The following CHERP variants were observed in gnomAD, a reference collection of about 807,000 sequenced individuals.
The protein encoded by CHERP is calcium homeostasis endoplasmic reticulum protein.
In CHERP, 8 loss-of-function variants were observed where a neutral mutation model predicts 113.8. The observed-to-expected ratio is 0.07, with a 90% CI of 0.04 to 0.13. The LOEUF (loss-of-function observed/expected upper bound fraction) is 0.13. Ranked by LOEUF, CHERP falls within the 10% of genes least tolerant of loss-of-function variation. The pLI is 1.00. For missense variants in CHERP, 884 were observed against 1,298.2 expected (o/e 0.68, Z 4.90); for synonymous variants, 559 against 524.5 (o/e 1.07, Z -0.90).
At position 16,525,449 on chromosome 19, in the gene CHERP, G is replaced by A. The variant is rs952527177; in HGVS notation, c.1534C>T (p.Pro512Ser). The A allele has an allele frequency of 6.5e-6, 10 of 1,541,168 alleles. No individual in the cohort carries two copies. The Admixed American group carries it at 1.4e-4, about 22-fold the overall frequency. ...QPPWGGGQRE[P>S]PFRMQRPPHF... ...GGGGGCCGCTGCATGCGGAAGGGTG[G>A]CTCGCGCTGGCCCCCGCCCCAGGGC... The change falls in exon 10 of 17, where the codon CCA (proline) becomes TCA (serine). Residue 512 changes from proline (P) to serine (S), a missense_variant. Physicochemically the swap from Pro to Ser is moderately conservative, Grantham distance 74. Coordinates refer to ENST00000546361, the MANE Select transcript of CHERP (RefSeq NM_006387.6). The surrounding 1 kb of genome is among the most constrained non-coding windows in gnomAD (Gnocchi z 6.5).
intron 5 of CHERP, among the ~76,000 whole-genome samples, chr19:16,531,180 G>A (rs575322413): frequency 6.6e-6 from 1 of 152,360 alleles, no homozygotes; most frequent in South Asian, 2.1e-4. Flanking sequence ...CTCTTGGGTG[G>A]CGCTGCGGGT....
At chr19:16,526,561 G>A (rs540928413) in intron 9 of CHERP, among the ~76,000 whole-genome samples, 1 of 151,994 alleles carries the variant, frequency 6.6e-6, no homozygotes, top group Non-Finnish European at 1.5e-5. Flanking sequence ...TCCACCTCCC[G>A]GGTTCAGGTG....
intron 9 of CHERP, among the ~76,000 whole-genome samples, chr19:16,527,473 A>G (rs1427882571): frequency 2.0e-5 from 3 of 152,162 alleles, no homozygotes; most frequent in Admixed American, 2.0e-4. Context: ...CCACGCTGCG[A>G]AGCCAACCAG....
intron 2 of CHERP, among the ~76,000 whole-genome samples, chr19:16,540,855 A>T (rs906557652): frequency 2.0e-5 from 3 of 149,562 alleles, no homozygotes; most frequent in African/African-American, 7.4e-5. Context: ...GGGCCACCAC[A>T]CCCGGCTAAT....
At position 16,519,993 on chromosome 19, in the gene CHERP, G is replaced by A; in HGVS notation, c.2462+156C>T. Reference sequence around the variant, plus strand: ...CAGTTACTGCCTCAGGCTTCGCCAAGTGGCTACTGTGGTGAAGGGTGAGGG... The same window carrying A: ...CAGTTACTGCCTCAGGCTTCGCCAAATGGCTACTGTGGTGAAGGGTGAGGG... On this transcript the variant is annotated intron_variant, in intron 15 of 16. Coordinates refer to ENST00000546361, the MANE Select transcript of CHERP (RefSeq NM_006387.6). This position sits in a 1 kb window ranked among gnomAD's most constrained non-coding sequence, Gnocchi z 6.0. 1 of 808,974 alleles carries A rather than the reference G, an allele frequency of 1.2e-6. No individual in the cohort carries two copies. The highest frequency in any genetic ancestry group is 2.0e-6 in the Non-Finnish European group (1 of 502,116). 50.1% of individuals were successfully genotyped at this position (808,974 alleles called of 1,614,324 possible).
chr19:16,526,900 G>A (rs910385112), intron 9 of CHERP, among the ~76,000 whole-genome samples: 3 of 152,094 alleles, frequency 2.0e-5, no homozygotes, highest in Admixed American at 6.6e-5. Context: ...TAGCTGGGAC[G>A]ACAGGTGTGC....
In CHERP at chr19:16,528,499, T is replaced by C. The variant is rs16981299; in HGVS notation, c.1130-244A>G. Among the ~76,000 whole-genome samples the C allele has an allele frequency of 6.5e-3, 993 of 152,348 alleles. 12 individuals are homozygous for C. The highest frequency in any genetic ancestry group is 0.023 in the African/African-American group (946 of 41,582). On this transcript the variant is annotated intron_variant, in intron 8 of 16. Transcript: ENST00000546361. ...CTTTACAAGAAACAGGCCTCACTTC[T>C]GCCTTCTTGGTTTGCTGAAGAATTT...
chr19:16,542,312 C>A (rs946767634), intron 1 of CHERP, 42 bp downstream of exon 1: 24 of 1,404,516 alleles, frequency 1.7e-5, no homozygotes, highest in Non-Finnish European at 3.7e-6. Context: ...ATAGGAGGTT[C>A]CGGGGAGAGA....
At chr19:16,541,647 C>G in intron 2 of CHERP, 1 of 500,396 alleles carries the variant, frequency 2.0e-6, no homozygotes. Context: ...TGATCCAGAG[C>G]CCAGGGGGGA....
At chr19:16,536,579 C>T (rs532797819) in intron 2 of CHERP, among the ~76,000 whole-genome samples, 15 of 152,298 alleles carry the variant, frequency 9.8e-5, no homozygotes, top group Admixed American at 9.8e-4. Flanking sequence ...AGTTTGTGCA[C>T]CCAAAGCCAC....
chr19:16,533,860 G>C (rs1433304612), intron 3 of CHERP, among the ~76,000 whole-genome samples: 1 of 152,082 alleles, frequency 6.6e-6, no homozygotes, highest in African/African-American at 2.4e-5. Flanking sequence ...AATAGAAGAA[G>C]AGGATACACC....
rs2085563068 is a variant in CHERP, at chr19:16,518,134, T to C, written c.*1025A>G. On this transcript the variant is annotated 3_prime_UTR_variant, in exon 17 of 17. Coordinates refer to ENST00000546361, the MANE Select transcript of CHERP (RefSeq NM_006387.6). The stretch of plus-strand genomic sequence containing the variant: ...GAATGGAATTGCACCAGGCTGCCCA[T>C]GGACACCAGGTGTGGCCGATTCCCA... 1 of 152,150 alleles carries C rather than the reference T, an allele frequency of 6.6e-6. No homozygotes were observed. Among genetic ancestry groups the C allele is most frequent in the Non-Finnish European group, 1.5e-5 (1 of 68,034 alleles). The allele number at this position is 152,150 out of a possible 1,614,324, so 9.4% of individuals were successfully genotyped here.
At position 16,525,057 on chromosome 19, in the gene CHERP, G is replaced by A. The variant is rs2085647721; in HGVS notation, c.1741+185C>T. 6.6e-6 allele frequency among the ~76,000 whole-genome samples: 1 copy of A among 152,180 alleles called. No individual in the cohort carries two copies. The highest frequency in any genetic ancestry group is 2.1e-4 in the South Asian group (1 of 4,836). ...CAGCCAGCCGGGCCTCATCAGGGCG[G>A]CAAAACTGAGTCTGTGCCCCCACTT... On this transcript the variant is annotated intron_variant, in intron 10 of 16. Coordinates refer to ENST00000546361, the MANE Select transcript of CHERP (RefSeq NM_006387.6). This position sits in a 1 kb window ranked among gnomAD's most constrained non-coding sequence, Gnocchi z 6.5.
At position 16,530,091 on chromosome 19, in the gene CHERP, A is replaced by G. The variant is rs1453284407; in HGVS notation, c.877-191T>C. Among the ~76,000 whole-genome samples, 1 of 152,184 alleles carries G rather than the reference A, an allele frequency of 6.6e-6. No individual in the cohort carries two copies. Among genetic ancestry groups the G allele is most frequent in the Non-Finnish European group, 1.5e-5 (1 of 68,030 alleles). ...CTGGGATCTGGCCAGAGATTTGGGG[A>G]TGAGGATGTTCGCTGCAGCGTGTTT... On this transcript the variant is annotated intron_variant, in intron 7 of 16. Coordinates refer to ENST00000546361, the MANE Select transcript of CHERP (RefSeq NM_006387.6). The surrounding 1 kb of genome is among the most constrained non-coding windows in gnomAD (Gnocchi z 4.1).
intron 1 of CHERP, 143 bp downstream of exon 1, chr19:16,542,211 C>T: frequency 2.8e-6 from 3 of 1,058,688 alleles, no homozygotes; most frequent in African/African-American, 1.7e-5. Context: ...GCCGGGAATG[C>T]GGGGACCCAC....
At chr19:16,522,326 T>G (rs2085624127) in intron 11 of CHERP, among the ~76,000 whole-genome samples, 2 of 151,204 alleles carry the variant, frequency 1.3e-5, no homozygotes, top group Non-Finnish European at 3.0e-5. Flanking sequence ...TGGCGTGATC[T>G]CGGCTCAGTG....
chr19:16,542,234 A>T, intron 1 of CHERP, 120 bp downstream of exon 1: 2 of 1,110,946 alleles, frequency 1.8e-6, no homozygotes, highest in Non-Finnish European at 2.4e-6. Context: ...GAGAGGCCGC[A>T]GGCGAAGCCG....
In CHERP at chr19:16,533,011, C is replaced by A; in HGVS notation, c.522G>T (p.Ser174=). ...IIDTCTKDAI[S]AGKNWMFSNA... ...GCTCTGGGAAGTGCTGGCCCCTCAC[C>A]GAGATGGCGTCCTTGGTGCACGTGT... Residue 174 remains serine (S), a splice_region_variant and synonymous_variant, in exon 4 of 17, where the codon TCG becomes TCT. Transcript: ENST00000546361. 1 of 1,565,294 alleles carries A rather than the reference C, an allele frequency of 6.4e-7. No individual in the cohort carries two copies. The highest frequency in any genetic ancestry group is 1.2e-5 in the South Asian group (1 of 85,278).
intron 2 of CHERP, among the ~76,000 whole-genome samples, chr19:16,537,939 A>G (rs571405119): frequency 6.6e-6 from 1 of 152,208 alleles, no homozygotes; most frequent in African/African-American, 2.4e-5. Flanking sequence ...CACACACAAC[A>G]GGTTAGAAAC....
Sources: allele counts gnomAD v4.1 joint callset (sites outside exome capture counted in the v4.1 genomes callset), GRCh38; gene constraint gnomAD v4.1.1; non-coding constraint Gnocchi (gnomAD v3.1); transcripts MANE v1.5; gene names NCBI Gene and HGNC (gene_info 2026-07-23, HGNC 2026-07-21).